The following ME3 variants were observed in gnomAD, a reference collection of about 807,000 sequenced individuals.
ME3 encodes the protein NADP-dependent malic enzyme, mitochondrial.
Under a neutral mutation model 68.9 loss-of-function variants are expected in ME3, and 48 were observed. That is an observed-to-expected ratio of 0.70 (90% CI 0.55 to 0.89). The LOEUF (loss-of-function observed/expected upper bound fraction) is 0.89. ME3 is among the 40% of genes least tolerant of loss of function. The probability of loss-of-function intolerance (pLI) is 0.00; values close to 1 mark genes in which losing one functional copy is unlikely to be tolerated. For synonymous variants in ME3, 320 were observed against 318.8 expected, an observed-to-expected ratio of 1.00 and a Z score of -0.04; for missense variants, 675 against 797.4, an observed-to-expected ratio of 0.85 and a Z score of 1.85.
chr11:86,454,602 C>T (rs1316598093), intron 8 of ME3, among the ~76,000 whole-genome samples: 3 of 152,184 alleles, frequency 2.0e-5, no homozygotes, highest in African/African-American at 7.2e-5. Flanking sequence ...TCATTATTGC[C>T]ATCCTCATTT....
intron 2 of ME3, among the ~76,000 whole-genome samples, chr11:86,611,719 T>C (rs866599243): frequency 4.6e-5 from 7 of 152,060 alleles, no homozygotes. Flanking sequence ...AGGGCCTTGA[T>C]TGTTGGCTCT....
At chr11:86,611,751 A>G (rs1942594629) in intron 2 of ME3, among the ~76,000 whole-genome samples, 1 of 151,932 alleles carries the variant, frequency 6.6e-6, no homozygotes, top group Non-Finnish European at 1.5e-5. Flanking sequence ...TAGATGTTTG[A>G]TCTTAGGCAA....
intron 2 of ME3, among the ~76,000 whole-genome samples, chr11:86,616,533 C>T (rs1318935825): frequency 2.6e-5 from 4 of 152,252 alleles, no homozygotes; most frequent in Non-Finnish European, 5.9e-5. Context: ...TAGAATTACC[C>T]TGCCCACTAA....
chr11:86,567,280 G>GGAAGGA (rs1565150241), intron 2 of ME3, among the ~76,000 whole-genome samples: 5 of 103,144 alleles, frequency 4.8e-5, no homozygotes, highest in Admixed American at 2.8e-4. Flanking sequence ...GGAAGGAAGG[G>GGAAGGA]AGGAAAAGAG....
Position 86,574,404 on chromosome 11 carries a change from G to C in ME3, c.184-14581C>G, listed in dbSNP as rs536249042. On this transcript the variant is annotated intron_variant, in intron 2 of 14. Transcript: ENST00000543262. ...GGATGGGGTATTTGTTGCCGGGGGG[G>C]GGGGGGGTGTCTTTTTTGTTGATGT... Among the ~76,000 whole-genome samples, 37 of 146,842 alleles carry C rather than the reference G, an allele frequency of 2.5e-4. 1 individual carries two copies. Among genetic ancestry groups the C allele is most frequent in the South Asian group, 1.3e-3 (6 of 4,498 alleles).
intron 7 of ME3, among the ~76,000 whole-genome samples, chr11:86,485,471 G>T (rs554213197): frequency 6.6e-6 from 1 of 152,138 alleles, no homozygotes. Context: ...GCTGACCCTT[G>T]AATTTGCTTT....
chr11:86,512,465 A>T (rs1421912456), intron 4 of ME3, among the ~76,000 whole-genome samples: 1 of 152,242 alleles, frequency 6.6e-6, no homozygotes, highest in African/African-American at 2.4e-5. Flanking sequence ...TCCATAATAG[A>T]TGTGCAATGC....
At chr11:86,542,092 G>T (rs1348257176) in intron 4 of ME3, among the ~76,000 whole-genome samples, 1 of 152,306 alleles carries the variant, frequency 6.6e-6, no homozygotes, top group African/African-American at 2.4e-5. Context: ...CTAACAAACA[G>T]AAAGGAATAG....
intron 2 of ME3, among the ~76,000 whole-genome samples, chr11:86,575,240 T>C (rs1030489996): frequency 6.8e-6 from 1 of 147,362 alleles, no homozygotes; most frequent in Non-Finnish European, 1.5e-5. Context: ...GAACTCCTCA[T>C]GCTTGCTGTC....
At chr11:86,558,895 A>G (rs537267681) in intron 3 of ME3, among the ~76,000 whole-genome samples, 34 of 152,278 alleles carry the variant, frequency 2.2e-4, no homozygotes, top group African/African-American at 7.9e-4. Context: ...AACTTTTGCC[A>G]TTAAGAGGTA....
chr11:86,529,801 A>T (rs1486740931), intron 4 of ME3, among the ~76,000 whole-genome samples: 8 of 152,192 alleles, frequency 5.3e-5, no homozygotes, highest in Non-Finnish European at 1.2e-4. Flanking sequence ...ACAAAATTAA[A>T]TAACCCTTCA....
At chr11:86,500,680 T>C (rs78148301) in intron 5 of ME3, among the ~76,000 whole-genome samples, 4,554 of 152,304 alleles carry the variant, frequency 0.03, 244 homozygotes, top group African/African-American at 0.1. Flanking sequence ...TCTCCTGCTA[T>C]ACATCTGTAC....
At chr11:86,565,490 A>G (rs1013894765) in intron 2 of ME3, among the ~76,000 whole-genome samples, 3 of 152,244 alleles carry the variant, frequency 2.0e-5, no homozygotes, top group African/African-American at 7.2e-5. Context: ...GTGTTCATCA[A>G]CATATGAATG....
intron 9 of ME3, 83 bp from the exon 10 acceptor site, chr11:86,450,085 C>G: frequency 8.4e-7 from 1 of 1,192,094 alleles, no homozygotes; most frequent in South Asian, 1.4e-5. Context: ...ATAAGGACCC[C>G]CTTTTCTTTC....
chr11:86,560,763 T>G lies in ME3; in HGVS notation c.184-940A>C, dbSNP rs908864728. Among the ~76,000 whole-genome samples the G allele has an allele frequency of 2.8e-4, 40 of 140,690 alleles. 5 individuals are homozygous for G. The highest frequency in any genetic ancestry group is 1.1e-3 in the African/African-American group (40 of 37,766). 92.3% of individuals were successfully genotyped at this position (140,690 alleles called of 152,430 possible). On this transcript the variant is annotated intron_variant, in intron 2 of 14. Coordinates refer to ENST00000543262, the Ensembl canonical transcript of ME3. ...GTGTGTGTGTGTATATATATATATA[T>G]ATATATATATTTCCAGGACCCATCC...
chr11:86,557,819 G>T (rs1466063093), intron 3 of ME3, among the ~76,000 whole-genome samples: 2 of 152,108 alleles, frequency 1.3e-5, no homozygotes, highest in Non-Finnish European at 2.9e-5. Flanking sequence ...ATGTCAAACT[G>T]GTAACCTGAA....
rs1247236838 is a variant in ME3, at chr11:86,525,813, G to C, written c.468-16946C>G. ...GGAGGCAGAGGTTGCAGTGAGGTGA[G>C]ATCGTGCCATTGCACTCCAGCCTGG... On this transcript the variant is annotated intron_variant, in intron 4 of 14. Transcript: ENST00000543262. 2.0e-5 allele frequency among the ~76,000 whole-genome samples: 3 copies of C among 149,130 alleles called. No homozygotes were observed. In the Admixed American group the frequency reaches 2.0e-4, roughly 10 times the overall value.
chr11:86,491,303 T>C (rs530674404), intron 6 of ME3, among the ~76,000 whole-genome samples: 4 of 152,176 alleles, frequency 2.6e-5, no homozygotes, highest in Admixed American at 6.5e-5. Flanking sequence ...CGAAGCATCC[T>C]CTTCGTCCCA....
chr11:86,600,173 T>G (rs967252870), intron 2 of ME3, among the ~76,000 whole-genome samples: 4 of 151,690 alleles, frequency 2.6e-5, no homozygotes, highest in African/African-American at 7.3e-5. Context: ...GGATAAAGAG[T>G]CAAGACCCAT....
Sources: gnomAD v4.1 joint callset for allele counts (sites outside exome capture counted in the v4.1 genomes callset) on GRCh38, gnomAD v4.1.1 for gene constraint, MANE v1.5 for transcripts, NCBI Gene and HGNC (gene_info 2026-07-23, HGNC 2026-07-21) for gene names.